Variants in LRRC37A2 observed in about 807,000 individuals in gnomAD.
LRRC37A2 encodes leucine rich repeat containing 37 member A2.
A neutral mutation model predicts 68.8 loss-of-function variants in LRRC37A2; 9 were observed. That is an observed-to-expected ratio of 0.13 (90% CI 0.08 to 0.23). The LOEUF (loss-of-function observed/expected upper bound fraction) is 0.23. LRRC37A2 is among the 10% of genes least tolerant of loss of function. The pLI, the probability that LRRC37A2 is intolerant of heterozygous loss-of-function variation, is 1.00. For synonymous variants in LRRC37A2, 63 were observed against 367.6 expected (o/e 0.17, Z 9.48); for missense variants, 168 against 950.4 (o/e 0.18, Z 10.82).
At chr17:46,754,345 G>A in the LRRC37A2 span, among the ~76,000 whole-genome samples, 1 of 151,170 alleles carries the variant, frequency 6.6e-6, no homozygotes, top group Non-Finnish European at 1.5e-5. Flanking sequence ...AAAAAAGAAA[G>A]AAAAGAAAAA....
the LRRC37A2 span, chr17:47,017,173 A>G: frequency 6.2e-7 from 1 of 1,607,150 alleles, no homozygotes; most frequent in East Asian, 2.2e-5. Flanking sequence ...AAGGGGCACG[A>G]GTGTCTCGGA....
the LRRC37A2 span, chr17:46,966,945 G>A: frequency 4.3e-5 from 16 of 376,136 alleles, no homozygotes; most frequent in South Asian, 1.9e-3. Context: ...TAGAGAAAAT[G>A]CTCACCTTCT....
the LRRC37A2 span, among the ~76,000 whole-genome samples, chr17:46,867,434 G>A: frequency 6.6e-6 from 1 of 152,242 alleles, no homozygotes; most frequent in Non-Finnish European, 1.5e-5. Flanking sequence ...GAGCTCAGTT[G>A]GTGAGGGGAC....
the LRRC37A2 span, among the ~76,000 whole-genome samples, chr17:46,842,063 CTCCCCCTCCA>C: frequency 6.6e-6 from 1 of 152,184 alleles, no homozygotes; most frequent in South Asian, 2.1e-4. Context: ...CCCGGGAGGC[CTCCCCCTCCA>C]TCCCTCCAGG....
the LRRC37A2 span, among the ~76,000 whole-genome samples, chr17:46,718,841 T>C: frequency 6.6e-6 from 1 of 152,232 alleles, no homozygotes; most frequent in Non-Finnish European, 1.5e-5. Flanking sequence ...GTGTAGTGGT[T>C]ATTTTTACTT....
At chr17:47,030,805 C>T in the LRRC37A2 span, among the ~76,000 whole-genome samples, 1 of 151,564 alleles carries the variant, frequency 6.6e-6, no homozygotes, top group Non-Finnish European at 1.5e-5. Context: ...ATTTTATGAC[C>T]AATATGACAC....
the LRRC37A2 span, among the ~76,000 whole-genome samples, chr17:46,777,205 G>A: frequency 4.6e-5 from 7 of 151,826 alleles, no homozygotes; most frequent in African/African-American, 1.2e-4. Context: ...GCGAGACTTC[G>A]TCTCAAAAAA....
the LRRC37A2 span, among the ~76,000 whole-genome samples, chr17:46,821,609 C>T: frequency 6.6e-6 from 1 of 152,198 alleles, no homozygotes; most frequent in Non-Finnish European, 1.5e-5. Context: ...GAGGCCATCG[C>T]CCTGAAAGGA....
chr17:46,951,175 C>T, the LRRC37A2 span, among the ~76,000 whole-genome samples: 2 of 152,210 alleles, frequency 1.3e-5, no homozygotes, highest in Admixed American at 1.3e-4. Flanking sequence ...ACTGCCAGAC[C>T]ACGCTGTCCC....
At chr17:46,884,680 G>A in the LRRC37A2 span, among the ~76,000 whole-genome samples, 41 of 152,270 alleles carry the variant, frequency 2.7e-4, no homozygotes, top group Admixed American at 7.8e-4. Flanking sequence ...TTATGACAAC[G>A]CTCCAAGTTG....
the LRRC37A2 span, among the ~76,000 whole-genome samples, chr17:46,759,869 A>G: frequency 6.6e-6 from 1 of 152,176 alleles, no homozygotes. Flanking sequence ...CGTCTCTTTC[A>G]GATTTTTAAA....
the LRRC37A2 span, among the ~76,000 whole-genome samples, chr17:46,718,272 C>G: frequency 6.6e-6 from 1 of 152,038 alleles, no homozygotes; most frequent in Non-Finnish European, 1.5e-5. Context: ...GACTGGCCCT[C>G]GAGGGCACCC....
chr17:46,729,205 C>T, the LRRC37A2 span, among the ~76,000 whole-genome samples: 1 of 152,058 alleles, frequency 6.6e-6, no homozygotes, highest in Non-Finnish European at 1.5e-5. Context: ...TGTAAGTTTT[C>T]CACCATATTA....
the LRRC37A2 span, among the ~76,000 whole-genome samples, chr17:46,775,257 G>A: frequency 6.6e-6 from 1 of 152,250 alleles, no homozygotes; most frequent in Non-Finnish European, 1.5e-5. Context: ...GGTTTAGAGA[G>A]TGAATTAGCT....
chr17:46,744,106 G>C, the LRRC37A2 span, among the ~76,000 whole-genome samples: 2 of 152,014 alleles, frequency 1.3e-5, no homozygotes, highest in Non-Finnish European at 2.9e-5. Context: ...GGTGCCCTCC[G>C]CCATGATTAG....
At chr17:46,708,485 C>T in the LRRC37A2 span, among the ~76,000 whole-genome samples, 4 of 145,592 alleles carry the variant, frequency 2.7e-5, no homozygotes, top group Non-Finnish European at 4.5e-5. Flanking sequence ...CCATTTGTTA[C>T]ATATCCTTTT....
chr17:46,997,864 G>A, the LRRC37A2 span, among the ~76,000 whole-genome samples: 1 of 152,006 alleles, frequency 6.6e-6, no homozygotes, highest in Admixed American at 6.6e-5. Context: ...CAGCTACTCG[G>A]GAGGCTGAGG....
chr17:46,956,813 T>C, the LRRC37A2 span, among the ~76,000 whole-genome samples: 1 of 152,160 alleles, frequency 6.6e-6, no homozygotes, highest in African/African-American at 2.4e-5. Context: ...CTGCCCTGCC[T>C]TTGAGTCCCC....
the LRRC37A2 span, among the ~76,000 whole-genome samples, chr17:46,740,320 A>G: frequency 3.9e-5 from 6 of 152,210 alleles, no homozygotes; most frequent in African/African-American, 1.4e-4. Context: ...TGAGAAGGCA[A>G]ATTTTGAAAC....
Sources: gnomAD v4.1 joint callset for allele counts (sites outside exome capture counted in the v4.1 genomes callset) on GRCh38, gnomAD v4.1.1 for gene constraint, MANE v1.5 for transcripts, NCBI Gene and HGNC (gene_info 2026-07-23, HGNC 2026-07-21) for gene names.